OTOGL: variants seen among roughly 807,000 people sequenced by gnomAD.
OTOGL encodes otogelin-like protein.
In OTOGL, 285 loss-of-function variants were observed where a neutral mutation model predicts 318.5. The observed-to-expected ratio is 0.89, with a 90% CI of 0.81 to 0.99. The LOEUF is 0.99. Among genes scored for constraint, OTOGL ranks in the 50% least tolerant of loss-of-function variants. OTOGL has a pLI of 0.00. For missense variants in OTOGL, 2,899 were observed against 2,845.6 expected (o/e 1.02, Z -0.43); for synonymous variants, 987 against 936.5 (o/e 1.05, Z -0.99).
At chr12:80,217,530 C>T in intron 4 of OTOGL, 68 bp from the exon 5 acceptor site, 1 of 1,091,532 alleles carries the variant, frequency 9.2e-7, no homozygotes. Context: ...TCTAGATTTG[C>T]CAATTTGCAT....
In OTOGL at chr12:80,201,433, G is replaced by A. The variant is rs574892835; in HGVS notation, c.-19-7980G>A. Among the ~76,000 whole-genome samples, 6 of 152,136 alleles carry A rather than the reference G, an allele frequency of 3.9e-5. No individual in the cohort carries two copies. In the East Asian group the frequency reaches 9.7e-4, roughly 25 times the overall value. ...GCAAGAGAGCGAGGTGGGGAGATGC[G>A]AGACACCTTTTAGCAACCAGATCTC... On this transcript the variant is annotated intron_variant, in intron 1 of 58. Coordinates refer to ENST00000547103, the MANE Select transcript of OTOGL (RefSeq NM_001378609.3).
rs766849851 is a variant in OTOGL, at chr12:80,302,617, T to C, written c.3064-17T>C. ...AACTTACTACTCACTTTGTTTATTT[T>C]CTTTTTTGTTTTTAAGAAACAATCA... On this transcript the variant is annotated splice_polypyrimidine_tract_variant and intron_variant, in intron 27 of 58. Transcript: ENST00000547103. The C allele has an allele frequency of 7.7e-5, 102 of 1,323,138 alleles. 1 individual carries two copies. In the East Asian group the frequency reaches 2.4e-3, roughly 32 times the overall value. The allele number at this position is 1,323,138 out of a possible 1,614,324, so 82.0% of individuals were successfully genotyped here. A position where few individuals can be genotyped will look rare whatever the true frequency, so the allele number is the denominator to read the frequency against.
chr12:80,229,099 A>T (rs1205144305), intron 7 of OTOGL, among the ~76,000 whole-genome samples, 158 bp from the exon 8 acceptor site: 1 of 152,218 alleles, frequency 6.6e-6, no homozygotes, highest in Non-Finnish European at 1.5e-5. Flanking sequence ...TTTCTGAGGT[A>T]AATATTTCTT....
At chr12:80,270,703 C>G (rs1412415890) in intron 23 of OTOGL, among the ~76,000 whole-genome samples, 1 of 152,096 alleles carries the variant, frequency 6.6e-6, no homozygotes, top group East Asian at 1.9e-4. Flanking sequence ...ATAAATTTAA[C>G]AATGCATGTA....
intron 1 of OTOGL, among the ~76,000 whole-genome samples, chr12:80,151,804 G>A (rs758506208): frequency 1.2e-4 from 19 of 152,170 alleles, no homozygotes; most frequent in Admixed American, 4.6e-4. Context: ...AACGTGAATG[G>A]CCCTTTAACT....
Position 80,352,275 on chromosome 12 carries a change from A to C in OTOGL, c.5266-20A>C. The C allele has an allele frequency of 6.3e-7, 1 of 1,596,454 alleles. No homozygotes were observed. The highest frequency in any genetic ancestry group is 8.5e-7 in the Non-Finnish European group (1 of 1,172,790). On this transcript the variant is annotated intron_variant, in intron 44 of 58. Coordinates refer to ENST00000547103, the MANE Select transcript of OTOGL (RefSeq NM_001378609.3). ...GAAATAAAACAATATAACTTATTTC[A>C]AGGCAAAATGTTTCTCTAGGTTTCA...
intron 26 of OTOGL, among the ~76,000 whole-genome samples, chr12:80,293,717 C>T (rs1885199217): frequency 6.6e-6 from 1 of 151,580 alleles, no homozygotes; most frequent in African/African-American, 2.4e-5. Context: ...TGTTTATTCA[C>T]CCTCAGATCT....
intron 1 of OTOGL, among the ~76,000 whole-genome samples, chr12:80,146,146 G>A (rs1872340214): frequency 6.7e-6 from 1 of 149,346 alleles, no homozygotes; most frequent in Non-Finnish European, 1.5e-5. Flanking sequence ...AGTTTTCAAA[G>A]GGAATGCTTC....
chr12:80,250,153 C>T (rs914854875), intron 11 of OTOGL, among the ~76,000 whole-genome samples: 3 of 152,162 alleles, frequency 2.0e-5, no homozygotes, highest in African/African-American at 7.2e-5. Flanking sequence ...GAGCTGTAGA[C>T]CGGAGCTGTT....
At position 80,229,285 on chromosome 12, in the gene OTOGL, C is replaced by T. The variant is rs377611164; in HGVS notation, c.518C>T (p.Ser173Leu). ...WVHNSPKCLG[S>L]VYSCYRSISL... ...CATAACAGCCCTAAATGCCTTGGTTCGGTGTATTCTTGTTATCGGTCAATC... is the reference window on the plus strand; with the variant it reads ...CATAACAGCCCTAAATGCCTTGGTTTGGTGTATTCTTGTTATCGGTCAATC... The change falls in exon 8 of 59, where the codon TCG becomes TTG. Residue 173 changes from serine (S) to leucine (L), a missense_variant. This residue lies in a region of OTOGL where 2,607 missense variants were observed against 2,524.9 expected (regional missense o/e 1.03). Transcript: ENST00000547103. 29 of 1,597,236 alleles carry T rather than the reference C, an allele frequency of 1.8e-5. No homozygotes were observed. The South Asian group carries it at 1.9e-4, about 10-fold the overall frequency.
At chr12:80,138,945 C>G (rs1871749390) in intron 1 of OTOGL, among the ~76,000 whole-genome samples, 6 of 152,182 alleles carry the variant, frequency 3.9e-5, no homozygotes, top group Admixed American at 3.9e-4. Flanking sequence ...GACTATCTTT[C>G]TCACCGTCTC....
In OTOGL at chr12:80,279,095, G is replaced by C. The variant is rs200438973; in HGVS notation, c.2857G>C (p.Asp953His). The C allele has an allele frequency of 5.1e-5, 81 of 1,594,210 alleles. No individual in the cohort carries two copies. The highest frequency in any genetic ancestry group is 6.0e-5 in the Non-Finnish European group (70 of 1,175,996). The change falls in exon 26 of 59, where the codon GAC becomes CAC. Residue 953 changes from aspartate (D) to histidine (H), a missense_variant. By Grantham distance (81) the Asp-to-His change is moderately conservative. Around this residue, in one of 3 missense-constraint regions of OTOGL, gnomAD observed 2,607 missense variants for 2,524.9 expected, o/e 1.03. Transcript: ENST00000547103. ...PCPAVCTIYG[D>H]RHYYSFDGLE... The stretch of plus-strand genomic sequence containing the variant: ...CCCAGCAGTGTGCACAATATACGGG[G>C]ACCGACATTATTATTCTTTTGATGG...
intron 32 of OTOGL, among the ~76,000 whole-genome samples, chr12:80,316,521 C>A (rs1886984502): frequency 6.6e-6 from 1 of 152,184 alleles, no homozygotes; most frequent in South Asian, 2.1e-4. Flanking sequence ...TAATGTGTTA[C>A]AGAATCCTTC....
chr12:80,127,288 C>T (rs1388205891), intron 1 of OTOGL, among the ~76,000 whole-genome samples: 1 of 152,074 alleles, frequency 6.6e-6, no homozygotes, highest in Non-Finnish European at 1.5e-5. Context: ...TTTTATTTCT[C>T]CTTCACTTAT....
At chr12:80,201,661 A>C (rs572894373) in intron 1 of OTOGL, among the ~76,000 whole-genome samples, 1 of 152,144 alleles carries the variant, frequency 6.6e-6, no homozygotes, top group Non-Finnish European at 1.5e-5. Context: ...TACCCAGGAC[A>C]TATACTTCTA....
chr12:80,257,462 GAGA>G (rs1882156856), intron 17 of OTOGL, among the ~76,000 whole-genome samples: 2 of 152,050 alleles, frequency 1.3e-5, no homozygotes, highest in African/African-American at 4.8e-5. Context: ...TAGAGATGGA[GAGA>G]AGAAGACAGA....
chr12:80,151,012 A>C (rs970297409), intron 1 of OTOGL, among the ~76,000 whole-genome samples: 6 of 152,202 alleles, frequency 3.9e-5, no homozygotes, highest in African/African-American at 1.4e-4. Flanking sequence ...ATTAATTTTG[A>C]AATCCTTGTG....
At chr12:80,364,433 C>G (rs1890409365) in intron 52 of OTOGL, among the ~76,000 whole-genome samples, 1 of 152,062 alleles carries the variant, frequency 6.6e-6, no homozygotes, top group African/African-American at 2.4e-5. Context: ...ACATAACATA[C>G]AATACATCCA....
chr12:80,291,301 T>C lies in OTOGL; in HGVS notation c.2929-5526T>C, dbSNP rs141986528. On this transcript the variant is annotated intron_variant, in intron 26 of 58. Coordinates refer to ENST00000547103, the MANE Select transcript of OTOGL (RefSeq NM_001378609.3). ...AAGACAAATCATAACAGGACCAATG[T>C]ACTTGCAAAATAAGTTTTAATCGTA... 6.9e-3 allele frequency among the ~76,000 whole-genome samples: 1,044 copies of C among 152,382 alleles called. 12 individuals are homozygous for C. Among genetic ancestry groups the C allele is most frequent in the African/African-American group, 0.024 (993 of 41,604 alleles).
Sources: gnomAD v4.1 joint callset for allele counts (sites outside exome capture counted in the v4.1 genomes callset) on GRCh38, gnomAD v4.1.1 for gene constraint, gnomAD v4.1.1 regional missense constraint, MANE v1.5 for transcripts, NCBI Gene and HGNC (gene_info 2026-07-23, HGNC 2026-07-21) for gene names.